The following STK32B variants were observed in gnomAD, a reference collection of about 807,000 sequenced individuals.
STK32B encodes serine/threonine-protein kinase 32B.
Under a neutral mutation model 52.6 loss-of-function variants are expected in STK32B, and 43 were observed. The ratio of observed to expected loss-of-function variants is 0.82; its 90% CI spans 0.64 to 1.05. The LOEUF is 1.05. Among genes scored for constraint, STK32B ranks in the 50% least tolerant of loss-of-function variants. STK32B has a pLI of 0.00. For missense variants in STK32B, 621 were observed against 534.6 expected, an observed-to-expected ratio of 1.16 and a Z score of -1.59; for synonymous variants, 238 against 204.3, an observed-to-expected ratio of 1.17 and a Z score of -1.41.
intron 1 of STK32B, among the ~76,000 whole-genome samples, chr4:5,068,000 G>A (rs10032691): frequency 0.97 from 146,952 of 152,240 alleles, 71,120 homozygotes; most frequent in East Asian, 1. Context: ...CCCACCTCCA[G>A]CACTGGGGAT....
intron 5 of STK32B, among the ~76,000 whole-genome samples, chr4:5,414,367 A>G (rs2109067821): frequency 6.6e-6 from 1 of 152,130 alleles, no homozygotes; most frequent in Middle Eastern, 3.4e-3. Context: ...CCTTGTAATC[A>G]AATACATTAA....
chr4:5,413,730 G>A (rs1711908633), intron 5 of STK32B, among the ~76,000 whole-genome samples: 1 of 152,180 alleles, frequency 6.6e-6, no homozygotes, highest in South Asian at 2.1e-4. Context: ...AAGACAAGGA[G>A]CTCCCAGTGA....
chr4:5,088,874 C>A (rs1379860511), intron 1 of STK32B, among the ~76,000 whole-genome samples: 5 of 151,430 alleles, frequency 3.3e-5, no homozygotes, highest in African/African-American at 9.7e-5. Flanking sequence ...CCTAATCTTT[C>A]ACTTTAAGAA....
chr4:5,143,521 C>T (rs1206424673), intron 2 of STK32B, among the ~76,000 whole-genome samples: 1 of 152,134 alleles, frequency 6.6e-6, no homozygotes, highest in Non-Finnish European at 1.5e-5. Context: ...GTTCTCAAGG[C>T]TTGGATTGTA....
chr4:5,317,244 T>TATAACATATATATTA (rs1560313452), intron 3 of STK32B, among the ~76,000 whole-genome samples: 1 of 47,964 alleles, frequency 2.1e-5, no homozygotes, highest in African/African-American at 2.6e-4. Flanking sequence ...CATATATATA[T>TATAACATATATATTA]TATATATAAC....
At chr4:5,170,511 C>T (rs2108739549) in intron 3 of STK32B, among the ~76,000 whole-genome samples, 1 of 152,072 alleles carries the variant, frequency 6.6e-6, no homozygotes, top group South Asian at 2.1e-4. Flanking sequence ...TTCCTGTGTC[C>T]ATGTGTTCTC....
chr4:5,222,705 T>C (rs779752369), intron 3 of STK32B, among the ~76,000 whole-genome samples: 1 of 152,192 alleles, frequency 6.6e-6, no homozygotes, highest in Admixed American at 6.5e-5. Flanking sequence ...CTTCTCTTAA[T>C]TGATTATAAT....
intron 3 of STK32B, among the ~76,000 whole-genome samples, chr4:5,201,671 T>A (rs1040937032): frequency 1.1e-4 from 17 of 152,112 alleles, no homozygotes; most frequent in African/African-American, 4.1e-4. Context: ...TGGGGAGGCA[T>A]CAGGAAACTT....
intron 3 of STK32B, among the ~76,000 whole-genome samples, chr4:5,212,895 C>T (rs141803586): frequency 7.2e-5 from 11 of 152,262 alleles, no homozygotes; most frequent in African/African-American, 2.2e-4. Flanking sequence ...TGATCGCAGG[C>T]AGAAGGTCGA....
At chr4:5,252,975 C>T (rs1004306142) in intron 3 of STK32B, among the ~76,000 whole-genome samples, 1 of 152,142 alleles carries the variant, frequency 6.6e-6, no homozygotes, top group African/African-American at 2.4e-5. Flanking sequence ...CTCTTCTAAT[C>T]CTTCTGCCAC....
rs1177647084 is a variant in STK32B, at chr4:5,497,627, T to C, written c.1107-1318T>C. Among the ~76,000 whole-genome samples, 4 of 152,314 alleles carry C rather than the reference T, an allele frequency of 2.6e-5. No individual in the cohort carries two copies. The East Asian group carries it at 7.7e-4, about 29-fold the overall frequency. On this transcript the variant is annotated intron_variant, in intron 11 of 11. Transcript: ENST00000282908. Reference sequence around the variant, plus strand: ...CAATTCGCTGTCTTATGAAACACAGTGTTGCTGCTGGTATTTCAGTGTTAT... The same window carrying C: ...CAATTCGCTGTCTTATGAAACACAGCGTTGCTGCTGGTATTTCAGTGTTAT...
At chr4:5,456,983 A>G in intron 8 of STK32B, 60 bp downstream of exon 8, 3 of 1,263,366 alleles carry the variant, frequency 2.4e-6, no homozygotes, top group Non-Finnish European at 3.2e-6. Flanking sequence ...AGAAACAGCC[A>G]TATCAGCAAA....
intron 4 of STK32B, among the ~76,000 whole-genome samples, chr4:5,353,421 C>T (rs1733966341): frequency 6.8e-6 from 1 of 147,356 alleles, no homozygotes; most frequent in African/African-American, 2.7e-5. Flanking sequence ...AACTAAAAAG[C>T]TTCTTCACAA....
chr4:5,163,342 A>G (rs1577126445), intron 2 of STK32B, among the ~76,000 whole-genome samples: 1 of 152,168 alleles, frequency 6.6e-6, no homozygotes, highest in South Asian at 2.1e-4. Flanking sequence ...CAGTGTGTCA[A>G]GCCTTACAGT....
chr4:5,425,426 G>T (rs1713010168), intron 6 of STK32B, among the ~76,000 whole-genome samples: 1 of 152,034 alleles, frequency 6.6e-6, no homozygotes, highest in African/African-American at 2.4e-5. Context: ...AGGTCAGTGA[G>T]GCTCCACTGT....
At chr4:5,090,719 A>T (rs943223778) in intron 1 of STK32B, among the ~76,000 whole-genome samples, 1 of 152,088 alleles carries the variant, frequency 6.6e-6, no homozygotes, top group East Asian at 1.9e-4. Flanking sequence ...TCCAGTTTCC[A>T]ATTTTCTGCA....
chr4:5,061,807 T>G (rs1276783007), intron 1 of STK32B, among the ~76,000 whole-genome samples: 1 of 152,164 alleles, frequency 6.6e-6, no homozygotes, highest in Non-Finnish European at 1.5e-5. Flanking sequence ...TTCCTGATGT[T>G]CAGTGTTTGT....
At chr4:5,270,620 T>C (rs866763918) in intron 3 of STK32B, among the ~76,000 whole-genome samples, 11 of 152,218 alleles carry the variant, frequency 7.2e-5, no homozygotes, top group African/African-American at 1.4e-4. Flanking sequence ...TGGGGAACAA[T>C]TGAATGCATT....
intron 3 of STK32B, among the ~76,000 whole-genome samples, chr4:5,279,169 C>T (rs112613390): frequency 6.6e-6 from 1 of 152,252 alleles, no homozygotes; most frequent in Non-Finnish European, 1.5e-5. Flanking sequence ...AGTCCAAAGT[C>T]TCATCTGAGA....
Sources: gnomAD v4.1 joint callset for allele counts (sites outside exome capture counted in the v4.1 genomes callset) on GRCh38, gnomAD v4.1.1 for gene constraint, MANE v1.5 for transcripts, NCBI Gene and HGNC (gene_info 2026-07-23, HGNC 2026-07-21) for gene names.